The following ZNF676 variants were observed in gnomAD, a reference collection of about 807,000 sequenced individuals.
The protein encoded by ZNF676 is zinc finger protein 676.
In ZNF676, 4 loss-of-function variants were observed where a neutral mutation model predicts 6.0. The ratio of observed to expected loss-of-function variants is 0.67; its 90% CI spans 0.33 to 1.53. The LOEUF is 1.53. ZNF676 is among the 40% of genes most tolerant of loss of function. The pLI is 0.06. For synonymous variants in ZNF676, 198 were observed against 223.1 expected (o/e 0.89, Z 1.00); for missense variants, 644 against 679.7 (o/e 0.95, Z 0.58).
At chr19:22,211,604 GGTAAACA>G (rs1471353068) in intron 1 of ZNF676, among the ~76,000 whole-genome samples, 1 of 151,844 alleles carries the variant, frequency 6.6e-6, no homozygotes, top group Non-Finnish European at 1.5e-5. Context: ...AAAATCATGA[GGTAAACA>G]GTTATATGGG....
chr19:22,225,906 G>C, the ZNF676 span, among the ~76,000 whole-genome samples: 2 of 151,914 alleles, frequency 1.3e-5, no homozygotes, highest in African/African-American at 4.8e-5. Flanking sequence ...TCACTCTCTT[G>C]AAGTTTTTTT....
chr19:22,250,133 G>T, the ZNF676 span, among the ~76,000 whole-genome samples: 1 of 150,524 alleles, frequency 6.6e-6, no homozygotes, highest in Non-Finnish European at 1.5e-5. Context: ...AGTGAGCCAA[G>T]ATCATGCCAC....
chr19:22,231,477 A>G, the ZNF676 span, among the ~76,000 whole-genome samples: 1 of 150,730 alleles, frequency 6.6e-6, no homozygotes, highest in Non-Finnish European at 1.5e-5. Context: ...GCCTTTCTAT[A>G]ATAGAGTCAT....
At position 22,196,728 on chromosome 19, in the gene ZNF676, T is replaced by A; in HGVS notation, c.-95A>T. ...CACATCCCTAAATGTCAATGCTCCC[T>A]GGAAAACACACACAAACACATATAT... On this transcript the variant is annotated 5_prime_UTR_variant, in exon 1 of 3. Transcript: ENST00000397121. 6.2e-7 allele frequency: 1 copy of A among 1,601,428 alleles called. No homozygotes were observed. Among genetic ancestry groups the A allele is most frequent in the Non-Finnish European group, 8.6e-7 (1 of 1,169,084 alleles).
At position 22,181,160 on chromosome 19, in the gene ZNF676, T is replaced by A; in HGVS notation, c.557A>T (p.Tyr186Phe). Residue 186 changes from tyrosine to phenylalanine, a missense_variant, in exon 3 of 3, where the codon TAT becomes TTT. Transcript: ENST00000397121. Reference sequence around the variant, plus strand: ...CTCTCCAGTATGAATACTCTTATAATAAGTAAGGGTTGAGGACCAGTTAAA... The same window carrying A: ...CTCTCCAGTATGAATACTCTTATAAAAAGTAAGGGTTGAGGACCAGTTAAA... ...KAFNWSSTLT[Y>F]YKSIHTGEKP... 6.2e-7 allele frequency: 1 copy of A among 1,613,968 alleles called. No individual in the cohort carries two copies. Among genetic ancestry groups the A allele is most frequent in the East Asian group, 2.2e-5 (1 of 44,860 alleles).
intron 1 of ZNF676, among the ~76,000 whole-genome samples, chr19:22,209,887 C>CA (rs894046440): frequency 1.3e-5 from 2 of 151,820 alleles, no homozygotes; most frequent in Admixed American, 6.6e-5. Flanking sequence ...GGTTTTTGGC[C>CA]AAAAAAACCA....
At chr19:22,252,735 G>A in the ZNF676 span, among the ~76,000 whole-genome samples, 23 of 152,340 alleles carry the variant, frequency 1.5e-4, no homozygotes, top group South Asian at 2.9e-3. Flanking sequence ...ACACAGGCAC[G>A]AGAGTCACAT....
intron 2 of ZNF676, among the ~76,000 whole-genome samples, chr19:22,189,213 C>T (rs1451302097): frequency 6.6e-6 from 1 of 152,096 alleles, no homozygotes; most frequent in Non-Finnish European, 1.5e-5. Context: ...ACATCTACAA[C>T]CATCTGATCT....
chr19:22,241,642 T>C, the ZNF676 span, among the ~76,000 whole-genome samples: 1 of 151,668 alleles, frequency 6.6e-6, no homozygotes, highest in African/African-American at 2.4e-5. Flanking sequence ...AAGGGCTTTT[T>C]ATGTTATGCA....
chr19:22,235,962 C>A, the ZNF676 span, among the ~76,000 whole-genome samples: 1 of 149,630 alleles, frequency 6.7e-6, no homozygotes, highest in Admixed American at 6.8e-5. Flanking sequence ...ATGGCAGCTG[C>A]AATTGGAGTC....
chr19:22,212,669 C>T (rs985862702), intron 1 of ZNF676, among the ~76,000 whole-genome samples: 2 of 151,912 alleles, frequency 1.3e-5, no homozygotes, highest in Non-Finnish European at 2.9e-5. Flanking sequence ...TGCACCACCG[C>T]ACTCCAGCCT....
chr19:22,221,279 T>C, the ZNF676 span, among the ~76,000 whole-genome samples: 5 of 152,202 alleles, frequency 3.3e-5, no homozygotes. Context: ...GTGTCACTAT[T>C]ATTCAATTTA....
In ZNF676 at chr19:22,181,587, C is replaced by G. The variant is rs184813715; in HGVS notation, c.131-1G>C. The G allele has an allele frequency of 9.1e-6, 14 of 1,535,318 alleles. No individual in the cohort carries two copies. Among genetic ancestry groups the G allele is most frequent in the South Asian group, 5.1e-5 (4 of 77,688 alleles). On this transcript the variant is annotated splice_acceptor_variant, in intron 2 of 2. Coordinates refer to ENST00000397121, the MANE Select transcript of ZNF676 (RefSeq NM_001001411.3). LOFTEE classifies it high-confidence loss of function. ...TCTTGGGAAAAATGAGAACATATAA[C>G]TGAAAAGAAATAAAAATAACAAATT...
chr19:22,207,685 G>T (rs937435382), intron 1 of ZNF676, among the ~76,000 whole-genome samples: 8 of 152,162 alleles, frequency 5.3e-5, no homozygotes, highest in African/African-American at 1.9e-4. Flanking sequence ...TACATTACCT[G>T]ACTTCAAACT....
the ZNF676 span, among the ~76,000 whole-genome samples, chr19:22,255,564 C>T: frequency 3.3e-5 from 5 of 152,226 alleles, no homozygotes; most frequent in African/African-American, 1.2e-4. Flanking sequence ...GTTTTGCTAT[C>T]ACTGGGTGCA....
At chr19:22,219,259 C>A (rs574048713), upstream of ZNF676, among the ~76,000 whole-genome samples, 1 of 151,784 alleles carries the variant, frequency 6.6e-6, no homozygotes, top group South Asian at 2.1e-4. Flanking sequence ...CCACTGCAAC[C>A]GGCTAATTTT....
At position 22,213,965 on chromosome 19, in the gene ZNF676, T is replaced by C. The variant is rs1369716211; in HGVS notation, c.3+1667A>G. 2.6e-5 allele frequency among the ~76,000 whole-genome samples: 4 copies of C among 152,266 alleles called. No homozygotes were observed. The East Asian group carries it at 5.8e-4, about 22-fold the overall frequency. ...ATAAGATATCTGTGTCTAGGGAAAC[T>C]AGAAGAAAAAAACATTTACAAACAG... is the stretch of plus-strand genomic sequence containing the variant. On this transcript the variant is annotated intron_variant, in intron 1 of 3. Transcript: ENST00000650058.
At chr19:22,184,199 C>T (rs938227567) in intron 2 of ZNF676, among the ~76,000 whole-genome samples, 1 of 152,102 alleles carries the variant, frequency 6.6e-6, no homozygotes, top group Non-Finnish European at 1.5e-5. Flanking sequence ...GGATGCAGCT[C>T]ATGGAGGGTG....
At chr19:22,199,034 A>C (rs752240642), upstream of ZNF676, among the ~76,000 whole-genome samples, 29 of 150,842 alleles carry the variant, frequency 1.9e-4, no homozygotes, top group Non-Finnish European at 3.4e-4. Flanking sequence ...GAATCCATGG[A>C]AAGGGCACAA....
Sources: allele counts gnomAD v4.1 joint callset (sites outside exome capture counted in the v4.1 genomes callset), GRCh38; gene constraint gnomAD v4.1.1; transcripts MANE v1.5; gene names NCBI Gene and HGNC (gene_info 2026-07-23, HGNC 2026-07-21).